Variants in PITPNB observed in about 807,000 individuals in gnomAD.
PITPNB encodes the protein phosphatidylinositol transfer protein beta.
Under a neutral mutation model 45.9 loss-of-function variants are expected in PITPNB, and 16 were observed. That is an observed-to-expected ratio of 0.35 (90% CI 0.24 to 0.53). The LOEUF is 0.53. Ranked by LOEUF, PITPNB falls within the 20% of genes least tolerant of loss-of-function variation. The pLI is 0.93. For synonymous variants in PITPNB, 112 were observed against 108.9 expected (o/e 1.03, Z -0.18); for missense variants, 188 against 330.5 (o/e 0.57, Z 3.34).
At chr22:27,907,483 A>C (rs549727921) in intron 3 of PITPNB, among the ~76,000 whole-genome samples, 3 of 152,256 alleles carry the variant, frequency 2.0e-5, no homozygotes, top group Admixed American at 2.0e-4. Context: ...TGTTTTGCCC[A>C]GTTTATTTAT....
At chr22:27,860,103 A>G (rs1235607241) in intron 9 of PITPNB, 28 bp downstream of exon 9, 4 of 1,319,390 alleles carry the variant, frequency 3.0e-6, no homozygotes, top group Non-Finnish European at 2.2e-6. Context: ...TCCTAAATCT[A>G]AGTCACCACA....
rs777752149 is a variant in PITPNB, at chr22:27,919,088, T to C, written c.20+84A>G. The C allele has an allele frequency of 3.1e-6, 5 of 1,609,222 alleles. No homozygotes were observed. In the East Asian group the frequency reaches 1.1e-4, roughly 36 times the overall value. On this transcript the variant is annotated intron_variant, in intron 1 of 11. Transcript: ENST00000335272. ...GGCTGACACAGGGCTGACTCCGATT[T>C]AGGAATATCCTACCACTTCTCCATC...
intron 6 of PITPNB, among the ~76,000 whole-genome samples, chr22:27,895,448 G>A (rs1274076973): frequency 5.3e-5 from 8 of 152,064 alleles, no homozygotes. Flanking sequence ...AAGTTAGCCA[G>A]GCATGGTGGT....
At chr22:27,867,598 T>C (rs990766806) in intron 8 of PITPNB, among the ~76,000 whole-genome samples, 1 of 152,220 alleles carries the variant, frequency 6.6e-6, no homozygotes, top group Non-Finnish European at 1.5e-5. Context: ...AAGAGGACTA[T>C]GTTAAATGCT....
rs114648134 is a variant in PITPNB at position 27,866,026 on chromosome 22, C to A, written c.535-5785G>T. On this transcript the variant is annotated intron_variant, in intron 8 of 11. Coordinates refer to ENST00000335272, the MANE Select transcript of PITPNB (RefSeq NM_012399.5). ...AAACAGTTAACTCTTTGCTAATCTG[C>A]GAGTAAATAAAATGATTTTGCTAAT... is the stretch of plus-strand genomic sequence containing the variant. Among the ~76,000 whole-genome samples, 1,034 of 151,998 alleles carry A rather than the reference C, an allele frequency of 6.8e-3. 7 individuals are homozygous for A. Among genetic ancestry groups the A allele is most frequent in the African/African-American group, 0.023 (940 of 41,432 alleles).
At chr22:27,909,625 G>A (rs977101760) in intron 3 of PITPNB, among the ~76,000 whole-genome samples, 1 of 152,012 alleles carries the variant, frequency 6.6e-6, no homozygotes, top group Non-Finnish European at 1.5e-5. Flanking sequence ...GAAAAATATG[G>A]AAAAATACTA....
intron 8 of PITPNB, among the ~76,000 whole-genome samples, chr22:27,861,863 T>C (rs1307318284): frequency 6.6e-6 from 1 of 152,212 alleles, no homozygotes; most frequent in Admixed American, 6.5e-5. Context: ...ACATTAGTTC[T>C]CTCTTTCCCT....
At chr22:27,853,730 G>A (rs1225341794) in intron 11 of PITPNB, 67 bp from the exon 12 acceptor site, 9 of 1,065,654 alleles carry the variant, frequency 8.4e-6, no homozygotes, top group East Asian at 2.6e-5. Flanking sequence ...TTAGCAGCTC[G>A]TCACACACAC....
chr22:27,890,750 C>T (rs1006032097), intron 7 of PITPNB, among the ~76,000 whole-genome samples: 14 of 152,140 alleles, frequency 9.2e-5, no homozygotes, highest in Non-Finnish European at 4.4e-5. Context: ...GGAGGCGGAG[C>T]TTGCAGTGAG....
At chr22:27,909,326 C>T (rs1223175400) in intron 3 of PITPNB, among the ~76,000 whole-genome samples, 1 of 151,500 alleles carries the variant, frequency 6.6e-6, no homozygotes, top group Non-Finnish European at 1.5e-5. Context: ...CTCAGCCTCC[C>T]AAGTTCTGGG....
intron 5 of PITPNB, 53 bp from the exon 6 acceptor site, chr22:27,896,679 G>A (rs17480565): frequency 0.029 from 35,735 of 1,226,252 alleles, 594 homozygotes; most frequent in East Asian, 0.035. Context: ...GTTCCTTGGT[G>A]CCCACGTCTG....
chr22:27,911,902 A>T (rs892404016), intron 2 of PITPNB, among the ~76,000 whole-genome samples: 3 of 152,310 alleles, frequency 2.0e-5, no homozygotes, highest in African/African-American at 4.8e-5. Context: ...CTCCATCAAT[A>T]CCTGTAAGTC....
chr22:27,898,382 A>C (rs887169752), intron 3 of PITPNB, among the ~76,000 whole-genome samples: 1 of 151,422 alleles, frequency 6.6e-6, no homozygotes, highest in Non-Finnish European at 1.5e-5. Flanking sequence ...CTCACAAGGA[A>C]AAAAAAAATT....
chr22:27,906,124 G>A (rs1935751191), intron 3 of PITPNB, among the ~76,000 whole-genome samples: 2 of 152,170 alleles, frequency 1.3e-5, no homozygotes, highest in South Asian at 4.1e-4. Context: ...ATCAGCCATG[G>A]AATGCCTCTG....
At position 27,915,831 on chromosome 22, in the gene PITPNB, A is replaced by AC. The variant is rs538168364; in HGVS notation, c.21-1485dup. On this transcript the variant is annotated intron_variant, in intron 1 of 11. Transcript: ENST00000335272. ...TATAGGTTGGGAGCAGATTATCAGG[A>AC]CCTGGAATACTATGGTAAGAAATCC... Among the ~76,000 whole-genome samples, 3 of 152,328 alleles carry AC rather than the reference A, an allele frequency of 2.0e-5. No individual in the cohort carries two copies. In the South Asian group the frequency reaches 6.2e-4, roughly 32 times the overall value.
chr22:27,867,898 T>G (rs1199813784), intron 8 of PITPNB, among the ~76,000 whole-genome samples: 1 of 151,486 alleles, frequency 6.6e-6, no homozygotes, highest in African/African-American at 2.5e-5. Context: ...TGGAACAGCT[T>G]TTTTTTGGTA....
At position 27,852,032 on chromosome 22, in the gene PITPNB, T is replaced by C. The variant is rs1934034071; in HGVS notation, c.*1670A>G. 1 of 152,214 alleles carries C rather than the reference T, an allele frequency of 6.6e-6. No homozygotes were observed. The highest frequency in any genetic ancestry group is 2.4e-5 in the African/African-American group (1 of 41,452). The allele number at this position is 152,214 out of a possible 1,614,324, so 9.4% of individuals were successfully genotyped here. A position where few individuals can be genotyped will look rare whatever the true frequency, so the allele number is the denominator to read the frequency against. On this transcript the variant is annotated 3_prime_UTR_variant, in exon 12 of 12. Coordinates refer to ENST00000335272, the MANE Select transcript of PITPNB (RefSeq NM_012399.5). The stretch of plus-strand genomic sequence containing the variant: ...CCCAGAGAGTAAACATCAGTCTTTA[T>C]CCTGAGTACACAAAGGATGTATGAA...
chr22:27,907,313 T>G (rs1440853145), intron 3 of PITPNB, among the ~76,000 whole-genome samples: 1 of 152,166 alleles, frequency 6.6e-6, no homozygotes, highest in African/African-American at 2.4e-5. Flanking sequence ...TGCAGAACAG[T>G]GAAGGCCTCA....
At chr22:27,862,179 G>A (rs185460173) in intron 8 of PITPNB, among the ~76,000 whole-genome samples, 4 of 152,196 alleles carry the variant, frequency 2.6e-5, no homozygotes, top group Admixed American at 2.6e-4. Flanking sequence ...AAAAAGCTGC[G>A]TGTGAGCAAA....
Sources: gnomAD v4.1 joint callset for allele counts (sites outside exome capture counted in the v4.1 genomes callset) on GRCh38, gnomAD v4.1.1 for gene constraint, MANE v1.5 for transcripts, NCBI Gene and HGNC (gene_info 2026-07-23, HGNC 2026-07-21) for gene names.